DPYD: variants seen among roughly 807,000 people sequenced by gnomAD.
DPYD encodes the protein dihydropyrimidine dehydrogenase [NADP(+)].
DPYD carries 109 observed loss-of-function variants against 116.2 expected under a neutral mutation model. That is an observed-to-expected ratio of 0.94 (90% CI 0.80 to 1.10). The LOEUF (loss-of-function observed/expected upper bound fraction) is 1.10, where lower values mean the gene tolerates loss of function less well. Among genes scored for constraint, DPYD ranks in the 50% least tolerant of loss-of-function variants. The probability of loss-of-function intolerance (pLI) is 0.00; values close to 1 mark genes in which losing one functional copy is unlikely to be tolerated. For synonymous variants in DPYD, 440 were observed against 432.0 expected, an observed-to-expected ratio of 1.02 and a Z score of -0.23; for missense variants, 1,302 against 1,254.5, an observed-to-expected ratio of 1.04 and a Z score of -0.57.
chr1:97,667,417 T>G (rs1438595874), intron 8 of DPYD, among the ~76,000 whole-genome samples: 1 of 152,140 alleles, frequency 6.6e-6, no homozygotes, highest in Non-Finnish European at 1.5e-5. Flanking sequence ...TATGTTTATA[T>G]ACTTAAAAAT....
intron 16 of DPYD, among the ~76,000 whole-genome samples, chr1:97,349,157 A>G (rs76254164): frequency 0.055 from 8,401 of 152,194 alleles, 272 homozygotes; most frequent in Middle Eastern, 0.12. Context: ...GAATAATAGT[A>G]CACTAGCTCA....
chr1:97,882,741 A>T (rs931390341), intron 2 of DPYD, among the ~76,000 whole-genome samples: 1 of 152,060 alleles, frequency 6.6e-6, no homozygotes, highest in East Asian at 2.0e-4. Context: ...TTTTGCTCCT[A>T]CACCTCACCT....
At chr1:97,380,257 T>C (rs145431149) in intron 15 of DPYD, among the ~76,000 whole-genome samples, 3 of 152,284 alleles carry the variant, frequency 2.0e-5, no homozygotes, top group Admixed American at 2.0e-4. Flanking sequence ...TTATACATAG[T>C]AGGTGTTTCA....
At chr1:97,191,170 T>TA (rs1658330528) in intron 20 of DPYD, among the ~76,000 whole-genome samples, 1 of 151,524 alleles carries the variant, frequency 6.6e-6, no homozygotes, top group Non-Finnish European at 1.5e-5. Context: ...CCCTAGAACT[T>TA]AAAGTATAAT....
chr1:97,581,148 G>GCAACAACAA (rs370329631), intron 10 of DPYD, among the ~76,000 whole-genome samples: 2,447 of 149,916 alleles, frequency 0.016, 44 homozygotes, highest in Non-Finnish European at 0.017. Context: ...TATTAAAAAT[G>GCAACAACAA]CAACAACAAC....
intron 19 of DPYD, among the ~76,000 whole-genome samples, chr1:97,213,952 T>A (rs928679557): frequency 1.3e-5 from 2 of 152,186 alleles, no homozygotes; most frequent in African/African-American, 2.4e-5. Context: ...ACATGTGCCG[T>A]CTGCTTGTCA....
intron 19 of DPYD, among the ~76,000 whole-genome samples, chr1:97,205,437 C>A (rs1659523499): frequency 6.6e-6 from 1 of 151,898 alleles, no homozygotes; most frequent in African/African-American, 2.4e-5. Flanking sequence ...TTCAGATTGA[C>A]TTATTTCACT....
chr1:97,441,174 T>C (rs1675775648), intron 14 of DPYD, among the ~76,000 whole-genome samples: 2 of 152,192 alleles, frequency 1.3e-5, no homozygotes, highest in South Asian at 2.1e-4. Flanking sequence ...GTTTTCTTAA[T>C]GTTTCTTATG....
chr1:97,306,435 C>T, intron 16 of DPYD, 138 bp from the exon 17 acceptor site: 1 of 1,161,852 alleles, frequency 8.6e-7, no homozygotes, highest in Non-Finnish European at 1.3e-6. Flanking sequence ...TTCTCAAATT[C>T]CTCCTCAGTA....
intron 14 of DPYD, among the ~76,000 whole-genome samples, chr1:97,395,759 A>G (rs1672975190): frequency 1.3e-5 from 2 of 152,024 alleles, no homozygotes; most frequent in African/African-American, 4.8e-5. Flanking sequence ...GTGATGATGT[A>G]CCAGAGTTAA....
intron 20 of DPYD, among the ~76,000 whole-genome samples, chr1:97,161,238 T>C (rs115614586): frequency 6.6e-6 from 1 of 152,174 alleles, no homozygotes; most frequent in African/African-American, 2.4e-5. Flanking sequence ...TTACAGGGAA[T>C]GTCTCAAACA....
chr1:97,615,650 A>G (rs990287640), intron 8 of DPYD, among the ~76,000 whole-genome samples: 4 of 151,992 alleles, frequency 2.6e-5, no homozygotes, highest in African/African-American at 4.8e-5. Context: ...TAACCTCCCA[A>G]ACTGATCTTC....
chr1:97,474,200 C>T (rs929556849), intron 13 of DPYD, among the ~76,000 whole-genome samples: 1 of 152,042 alleles, frequency 6.6e-6, no homozygotes, highest in Admixed American at 6.6e-5. Context: ...ATCAAAATGA[C>T]ACAAAGTCTA....
intron 20 of DPYD, among the ~76,000 whole-genome samples, chr1:97,158,127 T>C (rs1196384637): frequency 6.6e-6 from 1 of 152,016 alleles, no homozygotes; most frequent in Non-Finnish European, 1.5e-5. Context: ...CTGCATTTGA[T>C]TGTAGGGTTT....
At chr1:97,556,886 G>C (rs1362833674) in intron 11 of DPYD, among the ~76,000 whole-genome samples, 1 of 150,280 alleles carries the variant, frequency 6.7e-6, no homozygotes, top group Non-Finnish European at 1.5e-5. Context: ...TGGGATGGCT[G>C]GGTCAAATGG....
chr1:97,550,054 A>G (rs1169007914), intron 11 of DPYD, among the ~76,000 whole-genome samples: 1 of 152,202 alleles, frequency 6.6e-6, no homozygotes, highest in African/African-American at 2.4e-5. Flanking sequence ...TTTTAAATAC[A>G]TACAAAATAC....
intron 3 of DPYD, among the ~76,000 whole-genome samples, chr1:97,794,259 GAA>G (rs1667460087): frequency 6.6e-6 from 1 of 152,072 alleles, no homozygotes; most frequent in African/African-American, 2.4e-5. Flanking sequence ...TTAAGAGAAT[GAA>G]AAGACAACCC....
intron 8 of DPYD, among the ~76,000 whole-genome samples, chr1:97,674,862 T>C (rs1660056861): frequency 2.0e-5 from 3 of 152,196 alleles, no homozygotes; most frequent in Admixed American, 2.0e-4. Flanking sequence ...TTGTAGTAAT[T>C]CAATACTTAT....
At chr1:97,916,122 T>C (rs995562494) in intron 1 of DPYD, among the ~76,000 whole-genome samples, 3 of 152,190 alleles carry the variant, frequency 2.0e-5, no homozygotes, top group Non-Finnish European at 4.4e-5. Flanking sequence ...CTTCCATAAC[T>C]GAATCAGTAT....
Sources: allele counts gnomAD v4.1 joint callset (sites outside exome capture counted in the v4.1 genomes callset), GRCh38; gene constraint gnomAD v4.1.1; transcripts MANE v1.5; gene names NCBI Gene and HGNC (gene_info 2026-07-23, HGNC 2026-07-21).